Variants in STRADB observed in about 807,000 individuals in gnomAD.
STRADB encodes the protein STE20 related adaptor beta, also known as STE20-related kinase adapter protein beta.
STRADB carries 34 observed loss-of-function variants against 52.1 expected under a neutral mutation model. The observed-to-expected ratio is 0.65, with a 90% CI of 0.50 to 0.87. STRADB has a LOEUF of 0.87. Among genes scored for constraint, STRADB ranks in the 40% least tolerant of loss-of-function variants. The pLI, the probability that STRADB is intolerant of heterozygous loss-of-function variation, is 0.00. For synonymous variants in STRADB, 133 were observed against 174.5 expected, an observed-to-expected ratio of 0.76 and a Z score of 1.87; for missense variants, 340 against 483.9, an observed-to-expected ratio of 0.70 and a Z score of 2.79.
At chr2:201,479,456 GT>G (rs34469362) in intron 10 of STRADB, 32 bp from the exon 11 acceptor site, 1,376,751 of 1,491,342 alleles carry the variant, frequency 0.92, 640,426 homozygotes, top group Non-Finnish European at 0.96. Flanking sequence ...TAATATAAAG[GT>G]TTTTTTTTTA....
intron 2 of STRADB, among the ~76,000 whole-genome samples, chr2:201,456,228 G>T (rs954246692): frequency 1.3e-5 from 2 of 152,178 alleles, no homozygotes; most frequent in African/African-American, 4.8e-5. Context: ...AAAACAGGTG[G>T]TGGGTCAGAT....
intron 5 of STRADB, among the ~76,000 whole-genome samples, chr2:201,473,499 C>CT (rs1952422995): frequency 6.6e-6 from 1 of 152,170 alleles, no homozygotes; most frequent in South Asian, 2.1e-4. Flanking sequence ...CTCCCCCAAA[C>CT]TAATAGTTCT....
intron 2 of STRADB, among the ~76,000 whole-genome samples, chr2:201,456,366 C>T (rs1048975170): frequency 3.3e-5 from 5 of 152,096 alleles, no homozygotes; most frequent in Admixed American, 6.6e-5. Context: ...ATTTGATAGG[C>T]GAGAATTGTG....
intron 3 of STRADB, 125 bp from the exon 4 acceptor site, chr2:201,469,828 G>T: frequency 1.5e-6 from 1 of 662,062 alleles, no homozygotes. Flanking sequence ...AGTGTCTTAA[G>T]CCACCTTGCA....
intron 11 of STRADB, 107 bp from the exon 12 acceptor site, chr2:201,479,925 C>T: frequency 7.2e-6 from 10 of 1,396,070 alleles, no homozygotes; most frequent in Non-Finnish European, 1.0e-5. Context: ...TACCTGAAAA[C>T]AATTTTAAAC....
chr2:201,478,815 T>C (rs1952523138), intron 10 of STRADB, among the ~76,000 whole-genome samples: 1 of 152,096 alleles, frequency 6.6e-6, no homozygotes, highest in Non-Finnish European at 1.5e-5. Context: ...GGCTCACACC[T>C]GTAATCCCAG....
Position 201,477,782 on chromosome 2 carries a change from C to T in STRADB, c.712C>T (p.Leu238=). 2 of 1,612,640 alleles carry T rather than the reference C, an allele frequency of 1.2e-6. No individual in the cohort carries two copies. The highest frequency in any genetic ancestry group is 1.7e-6 in the Non-Finnish European group (2 of 1,178,782). ...GCAGCCGTGGCTGAGTCCAGAACTA[C>T]TGAGACAGGTCAGGTGTGGCCGTTG... ...SVQPWLSPEL[L]RQDLHGYNVK... The change falls in exon 8 of 12, where the codon CTG becomes TTG. Residue 238 remains leucine, a synonymous_variant. Transcript: ENST00000194530.
At chr2:201,453,566 C>T (rs1283139572) in intron 1 of STRADB, among the ~76,000 whole-genome samples, 2 of 152,012 alleles carry the variant, frequency 1.3e-5, no homozygotes, top group African/African-American at 4.8e-5. Context: ...TAGATCACTC[C>T]GGGGAATTTT....
chr2:201,468,743 C>A (rs926392811), intron 3 of STRADB, among the ~76,000 whole-genome samples: 2 of 152,138 alleles, frequency 1.3e-5, no homozygotes, highest in African/African-American at 4.8e-5. Context: ...CTCATTACAT[C>A]TCTAGCCTTC....
chr2:201,458,708 C>G, intron 2 of STRADB, 76 bp from the exon 3 acceptor site: 1 of 1,353,574 alleles, frequency 7.4e-7, no homozygotes, highest in Admixed American at 1.9e-5. Context: ...GTCATTAGAC[C>G]TTTTTGTATC....
intron 3 of STRADB, among the ~76,000 whole-genome samples, chr2:201,468,281 T>G (rs1297838480): frequency 1.3e-5 from 2 of 152,006 alleles, no homozygotes; most frequent in Non-Finnish European, 2.9e-5. Flanking sequence ...GTGAGGTTAG[T>G]TTGGGATGAT....
intron 2 of STRADB, among the ~76,000 whole-genome samples, 191 bp from the exon 3 acceptor site, chr2:201,458,593 C>G (rs1179140270): frequency 6.6e-6 from 1 of 152,108 alleles, no homozygotes; most frequent in African/African-American, 2.4e-5. Flanking sequence ...GTCTGCATGC[C>G]CAGCCACTTC....
intron 5 of STRADB, among the ~76,000 whole-genome samples, chr2:201,473,713 G>C (rs1464679567): frequency 6.6e-6 from 1 of 152,036 alleles, no homozygotes; most frequent in Non-Finnish European, 1.5e-5. Context: ...TAGTCACATA[G>C]GGAAATGGAA....
chr2:201,479,146 A>G (rs559036330), intron 10 of STRADB: 4 of 196,724 alleles, frequency 2.0e-5, no homozygotes, highest in East Asian at 3.1e-4. Flanking sequence ...TTTTTACAAT[A>G]AAAATGAGAG....
intron 10 of STRADB, among the ~76,000 whole-genome samples, chr2:201,478,949 T>C (rs1300429691): frequency 6.6e-6 from 1 of 152,004 alleles, no homozygotes; most frequent in African/African-American, 2.4e-5. Context: ...GGCATGCACC[T>C]GTAGTCCCAG....
At chr2:201,457,559 C>T (rs1952146011) in intron 2 of STRADB, 1 of 152,132 alleles carries the variant, frequency 6.6e-6, no homozygotes, top group Non-Finnish European at 1.5e-5. Flanking sequence ...TGAAGGCTAA[C>T]TGGGACAATG....
chr2:201,471,770 T>G (rs1324345632), intron 4 of STRADB, among the ~76,000 whole-genome samples: 1 of 152,126 alleles, frequency 6.6e-6, no homozygotes, highest in East Asian at 1.9e-4. Context: ...GCACCTATAT[T>G]CCATCACAGA....
At chr2:201,458,746 C>A in intron 2 of STRADB, 38 bp from the exon 3 acceptor site, 1 of 1,591,754 alleles carries the variant, frequency 6.3e-7, no homozygotes, top group Non-Finnish European at 8.6e-7. Context: ...TATCCTGTAA[C>A]TTATTTTTCA....
chr2:201,480,408 T>C lies in STRADB; in HGVS notation c.*233T>C. On this transcript the variant is annotated 3_prime_UTR_variant, in exon 12 of 12. Transcript: ENST00000194530. ...AATTACTAATCTAGCTAGTGTCATT[T>C]ATTCTGGAATTTTTTTCTAAGCTGT... 2.4e-6 allele frequency: 3 copies of C among 1,254,362 alleles called. No individual in the cohort carries two copies. Among genetic ancestry groups the C allele is most frequent in the Non-Finnish European group, 3.0e-6 (3 of 998,826 alleles). 77.7% of individuals were successfully genotyped at this position (1,254,362 alleles called of 1,614,324 possible).
Sources: gnomAD v4.1 joint callset for allele counts (sites outside exome capture counted in the v4.1 genomes callset) on GRCh38, gnomAD v4.1.1 for gene constraint, MANE v1.5 for transcripts, NCBI Gene and HGNC (gene_info 2026-07-23, HGNC 2026-07-21) for gene names.